Variants in SERPINE2 observed in about 807,000 individuals in gnomAD.
The protein encoded by SERPINE2 is serpin family E member 2.
Under a neutral mutation model 36.3 loss-of-function variants are expected in SERPINE2, and 14 were observed. That is an observed-to-expected ratio of 0.39 (90% confidence interval 0.25 to 0.60). The LOEUF is 0.60. SERPINE2 is among the 20% of genes least tolerant of loss of function. The pLI is 0.57. For missense variants in SERPINE2, 418 were observed against 499.6 expected, an observed-to-expected ratio of 0.84 and a Z score of 1.56; for synonymous variants, 192 against 191.8, an observed-to-expected ratio of 1.00 and a Z score of -0.01.
At chr2:224,018,903 G>A (rs114151942) in intron 1 of SERPINE2, among the ~76,000 whole-genome samples, 3,250 of 152,286 alleles carry the variant, frequency 0.021, 47 homozygotes, top group Non-Finnish European at 0.031. Context: ...TCCGGAGGAG[G>A]ACACTGGTCT....
intron 4 of SERPINE2, among the ~76,000 whole-genome samples, chr2:223,988,817 A>G (rs1690535104): frequency 6.6e-6 from 1 of 152,216 alleles, no homozygotes; most frequent in African/African-American, 2.4e-5. Context: ...GGATAGCATG[A>G]TACATTTGTA....
Position 224,001,710 on chromosome 2 carries a change from A to G in SERPINE2, c.191T>C (p.Met64Thr), listed in dbSNP as rs34078713. ...CCTGCCGTCCGCCCCCAGCTGAAGC[A>G]TCCCCAGGACCGACGCAATCCCATG... ...SPHGIASVLG[M>T]LQLGADGRTK... Residue 64 changes from methionine (M) to threonine (T), a missense_variant, in exon 2 of 9, where the codon ATG (methionine) becomes ACG (threonine). Met to Thr is a moderately conservative substitution (Grantham distance 81, BLOSUM62 -1). Coordinates refer to ENST00000409304, the MANE Select transcript of SERPINE2 (RefSeq NM_001136528.2). The G allele has an allele frequency of 8.3e-3, 13,462 of 1,614,172 alleles. 70 individuals are homozygous for G. The highest frequency in any genetic ancestry group is 9.6e-3 in the Non-Finnish European group (11,349 of 1,180,034).
chr2:223,979,429 G>A (rs1474768016), intron 7 of SERPINE2: 1 of 152,152 alleles, frequency 6.6e-6, no homozygotes, highest in South Asian at 2.1e-4. Context: ...TTTTTAAAAC[G>A]TTTATTCGAG....
intron 3 of SERPINE2, among the ~76,000 whole-genome samples, chr2:223,996,820 T>C (rs1559203423): frequency 6.6e-6 from 1 of 152,218 alleles, no homozygotes; most frequent in Non-Finnish European, 1.5e-5. Flanking sequence ...CTCATGCCTA[T>C]AATCCCAGCA....
At chr2:223,998,392 A>G (rs1690980562) in intron 2 of SERPINE2, 50 bp from the exon 3 acceptor site, 1 of 1,454,012 alleles carries the variant, frequency 6.9e-7, no homozygotes, top group Admixed American at 1.7e-5. Context: ...GAATCTAGAA[A>G]AGTTTTTAAA....
chr2:223,991,057 T>C (rs1384395085), intron 4 of SERPINE2, among the ~76,000 whole-genome samples: 2 of 152,232 alleles, frequency 1.3e-5, no homozygotes, highest in Non-Finnish European at 2.9e-5. Flanking sequence ...CTCTGAGACC[T>C]ATCTCTATTG....
intron 3 of SERPINE2, among the ~76,000 whole-genome samples, chr2:223,996,486 C>G (rs1690892183): frequency 6.6e-6 from 1 of 152,190 alleles, no homozygotes; most frequent in Non-Finnish European, 1.5e-5. Context: ...CTCCACCCTC[C>G]CTGGAGCCTT....
At chr2:224,001,566 A>G (rs1486939301) in intron 2 of SERPINE2, 76 bp downstream of exon 2, 1 of 1,523,474 alleles carries the variant, frequency 6.6e-7, no homozygotes, top group Non-Finnish European at 8.8e-7. Flanking sequence ...GTTGTCAGCA[A>G]AAACCAAGCC....
At chr2:224,011,903 C>T (rs1691635760) in intron 1 of SERPINE2, among the ~76,000 whole-genome samples, 1 of 152,142 alleles carries the variant, frequency 6.6e-6, no homozygotes, top group Non-Finnish European at 1.5e-5. Flanking sequence ...TGTGGGTGAC[C>T]TTTTACCAGC....
At chr2:224,001,603 A>G (rs767617914) in intron 2 of SERPINE2, 39 bp downstream of exon 2, 2 of 1,585,342 alleles carry the variant, frequency 1.3e-6, no homozygotes, top group Admixed American at 1.7e-5. Flanking sequence ...CAAGACTCTC[A>G]GGCAAAGGCT....
chr2:224,016,206 AAC>A (rs1691793012), intron 1 of SERPINE2, among the ~76,000 whole-genome samples: 1 of 152,176 alleles, frequency 6.6e-6, no homozygotes, highest in Non-Finnish European at 1.5e-5. Flanking sequence ...CGCTCTAGAA[AAC>A]AGTTTGGTAG....
Position 223,977,559 on chromosome 2 carries a change from G to A in SERPINE2, c.1141C>T (p.Arg381Ter), listed in dbSNP as rs781324477. 5 of 1,608,802 alleles carry A rather than the reference G, an allele frequency of 3.1e-6. No homozygotes were observed. Among genetic ancestry groups the A allele is most frequent in the Non-Finnish European group, 4.3e-6 (5 of 1,175,330 alleles). Residue 381 changes from arginine to a stop codon, truncating the protein, a stop_gained, in exon 8 of 9, where the codon CGA (arginine) becomes TGA (stop). Transcript: ENST00000409304. LOFTEE classifies it high-confidence loss of function. ...IVDRPFLFFI[R>*]HNPTGAVLFM... ...AGTCACTTACCTGTAGGATTATGTCGGATGAAAAACAGAAAAGGTCTGTCT... is the reference window on the plus strand; with the variant it reads ...AGTCACTTACCTGTAGGATTATGTCAGATGAAAAACAGAAAAGGTCTGTCT...
intron 2 of SERPINE2, among the ~76,000 whole-genome samples, chr2:223,999,124 A>C (rs2106160585): frequency 6.6e-6 from 1 of 152,368 alleles, no homozygotes; most frequent in East Asian, 1.9e-4. Context: ...AAATGAATAA[A>C]ATAAGCATTA....
chr2:224,021,639 G>A (rs901774580), intron 1 of SERPINE2, among the ~76,000 whole-genome samples: 2 of 152,236 alleles, frequency 1.3e-5, no homozygotes, highest in African/African-American at 4.8e-5. Context: ...AAAATCAGAA[G>A]AGCAGCCACA....
At chr2:224,030,648 A>T (rs1692332431) in intron 1 of SERPINE2, 1 of 152,346 alleles carries the variant, frequency 6.6e-6, no homozygotes, top group Admixed American at 6.5e-5. Flanking sequence ...CCACACTCTT[A>T]ATTACTATAC....
At chr2:224,014,622 C>A (rs1691736998) in intron 1 of SERPINE2, among the ~76,000 whole-genome samples, 1 of 152,118 alleles carries the variant, frequency 6.6e-6, no homozygotes, top group African/African-American at 2.4e-5. Context: ...CATAACTCTT[C>A]AGTGTGGGGG....
Position 223,995,114 on chromosome 2 carries a change from G to T in SERPINE2, c.487+3001C>A, listed in dbSNP as rs1377281838. Among the ~76,000 whole-genome samples the T allele has an allele frequency of 4.6e-5, 7 of 152,140 alleles. 1 individual carries two copies. The highest frequency in any genetic ancestry group is 3.9e-4 in the Admixed American group (6 of 15,288). On this transcript the variant is annotated intron_variant, in intron 3 of 8. Transcript: ENST00000409304. ...ACAGGAGACAGGATGGTGGGTAAGGGGACTAGGAAGAGGCCTGTGTGGCTG... is the reference window on the plus strand; with the variant it reads ...ACAGGAGACAGGATGGTGGGTAAGGTGACTAGGAAGAGGCCTGTGTGGCTG...
intron 7 of SERPINE2, 65 bp downstream of exon 7, chr2:223,980,246 T>A: frequency 7.6e-7 from 1 of 1,320,964 alleles, no homozygotes; most frequent in South Asian, 1.2e-5. Flanking sequence ...GCTCAACCAA[T>A]GAGTATACAG....
chr2:223,991,639 A>G (rs1168898555), intron 4 of SERPINE2, among the ~76,000 whole-genome samples, 164 bp downstream of exon 4: 2 of 152,202 alleles, frequency 1.3e-5, no homozygotes, highest in Non-Finnish European at 2.9e-5. Flanking sequence ...CATAACACAG[A>G]TTTACATGAG....
Sources: allele counts gnomAD v4.1 joint callset (sites outside exome capture counted in the v4.1 genomes callset), GRCh38; gene constraint gnomAD v4.1.1; transcripts MANE v1.5; gene names NCBI Gene and HGNC (gene_info 2026-07-23, HGNC 2026-07-21).